GART: variants seen among roughly 807,000 people sequenced by gnomAD.
GART encodes trifunctional purine biosynthetic protein adenosine-3.
A neutral mutation model predicts 107.2 loss-of-function variants in GART; 43 were observed. The ratio of observed to expected loss-of-function variants is 0.40; its 90% confidence interval spans 0.31 to 0.52. GART has a LOEUF of 0.52. Ranked by LOEUF, GART falls within the 20% of genes least tolerant of loss-of-function variation. The probability of loss-of-function intolerance (pLI) is 0.52; values close to 1 mark genes in which losing one functional copy is unlikely to be tolerated. For synonymous variants in GART, 434 were observed against 427.0 expected, an observed-to-expected ratio of 1.02 and a Z score of -0.20; for missense variants, 1,107 against 1,206.5, an observed-to-expected ratio of 0.92 and a Z score of 1.22.
At chr21:33,517,743 C>G (rs1358899661) in intron 14 of GART, 135 bp from the exon 15 acceptor site, 1 of 884,248 alleles carries the variant, frequency 1.1e-6, no homozygotes, top group South Asian at 1.7e-5. Flanking sequence ...ATGTACTCTA[C>G]CAGCTGTCTA....
At chr21:33,504,388 G>A (rs1235781114) in intron 21 of GART, 24 bp downstream of exon 21, 3 of 1,608,688 alleles carry the variant, frequency 1.9e-6, no homozygotes, top group Non-Finnish European at 2.6e-6. Flanking sequence ...CTAATATTAT[G>A]TTGGTAGAAA....
At chr21:33,511,182 G>T in intron 17 of GART, 70 bp downstream of exon 17, 2 of 1,521,832 alleles carry the variant, frequency 1.3e-6, no homozygotes, top group Non-Finnish European at 9.1e-7. Flanking sequence ...AGCTTGTGAG[G>T]CAAGGCTGAG....
chr21:33,523,494 T>TAGG (rs2085010055), intron 11 of GART, among the ~76,000 whole-genome samples: 2 of 152,138 alleles, frequency 1.3e-5, no homozygotes, highest in African/African-American at 4.8e-5. Flanking sequence ...AAATGAAAAA[T>TAGG]AAATTTTTAG....
chr21:33,507,887 T>C (rs2084711197), intron 18 of GART, among the ~76,000 whole-genome samples: 1 of 152,062 alleles, frequency 6.6e-6, no homozygotes, highest in Admixed American at 6.6e-5. Flanking sequence ...ACTGGATTGT[T>C]TGTAACACAA....
chr21:33,521,107 T>C, intron 12 of GART, 92 bp from the exon 13 acceptor site: 1 of 974,012 alleles, frequency 1.0e-6, no homozygotes, highest in Non-Finnish European at 1.6e-6. Context: ...ACCAGTATAT[T>C]TAGCGGCCTG....
Position 33,520,541 on chromosome 21 carries a change from G to T in GART, c.1525C>A (p.His509Asn). 6.2e-7 allele frequency: 1 copy of T among 1,614,070 alleles called. No individual in the cohort carries two copies. Among genetic ancestry groups the T allele is most frequent in the Non-Finnish European group, 8.5e-7 (1 of 1,179,962 alleles). The change falls in exon 14 of 22, where the codon CAT becomes AAT. Residue 509 changes from histidine to asparagine, a missense_variant. Transcript: ENST00000381815. ...KLKIAQLCNKHDTIGQDLVAM... is the reference protein window; with the variant it reads ...KLKIAQLCNKNDTIGQDLVAM... ...ACCAAATCTTGACCAATGGTATCAT[G>T]TTTATTGCATAGCTGGGCAATCTAT...
chr21:33,509,465 T>C (rs771634967), intron 18 of GART: 4 of 216,064 alleles, frequency 1.9e-5, no homozygotes, highest in Non-Finnish European at 3.6e-5. Flanking sequence ...TTCTAATTAA[T>C]AAGATAACAA....
intron 10 of GART, among the ~76,000 whole-genome samples, chr21:33,527,679 A>AG (rs1374541013): frequency 2.0e-5 from 3 of 151,956 alleles, no homozygotes; most frequent in African/African-American, 4.8e-5. Context: ...AGAGAGAGAG[A>AG]AAAAAAAGAG....
At chr21:33,537,819 C>T (rs2085332445) in intron 2 of GART, among the ~76,000 whole-genome samples, 1 of 152,092 alleles carries the variant, frequency 6.6e-6, no homozygotes, top group Non-Finnish European at 1.5e-5. Context: ...GCACAAAGGG[C>T]TTTGAAAGGC....
chr21:33,521,081 C>T, intron 12 of GART, 66 bp from the exon 13 acceptor site: 1 of 1,314,526 alleles, frequency 7.6e-7, no homozygotes, highest in East Asian at 2.4e-5. Context: ...ATTTAAATGT[C>T]TACTAGTTTA....
At chr21:33,532,516 T>C in intron 4 of GART, 60 bp from the exon 5 acceptor site, 1 of 1,282,492 alleles carries the variant, frequency 7.8e-7, no homozygotes, top group East Asian at 2.3e-5. Context: ...GATTTTAAAA[T>C]GCTGTGGGAT....
At chr21:33,522,371 T>C in intron 11 of GART, 89 bp from the exon 12 acceptor site, 1 of 1,027,512 alleles carries the variant, frequency 9.7e-7, no homozygotes, top group Non-Finnish European at 1.5e-6. Flanking sequence ...ATATCCCAAG[T>C]GATTTTCACA....
In GART at chr21:33,521,242, T is replaced by C. The variant is rs185213776; in HGVS notation, c.1394-227A>G. Among the ~76,000 whole-genome samples the C allele has an allele frequency of 3.2e-3, 486 of 152,322 alleles. 1 individual carries two copies. Among genetic ancestry groups the C allele is most frequent in the Non-Finnish European group, 4.8e-3 (329 of 68,022 alleles). On this transcript the variant is annotated intron_variant, in intron 12 of 21. Coordinates refer to ENST00000381815, the MANE Select transcript of GART (RefSeq NM_000819.5). ...ATGTAACATGTTAATAGGTTAAACA[T>C]GTATATACATACCACTTGTTCATAA... is the stretch of plus-strand genomic sequence containing the variant.
At chr21:33,533,447 AAAAAT>A (rs1238949311) in intron 4 of GART, among the ~76,000 whole-genome samples, 4 of 149,098 alleles carry the variant, frequency 2.7e-5, no homozygotes, top group East Asian at 3.9e-4. Context: ...TCAAAAAAAA[AAAAAT>A]AAATAAATAA....
intron 11 of GART, chr21:33,523,915 C>T (rs954885675): frequency 2.2e-5 from 15 of 669,212 alleles, no homozygotes; most frequent in Non-Finnish European, 2.5e-5. Context: ...TGCAGTGAGG[C>T]GAGATCATGC....
At chr21:33,539,521 T>C (rs1479753562) in intron 1 of GART, among the ~76,000 whole-genome samples, 165 bp from the exon 2 acceptor site, 1 of 151,910 alleles carries the variant, frequency 6.6e-6, no homozygotes, top group African/African-American at 2.4e-5. Context: ...TGGCAAAACC[T>C]CATCTCTACT....
At chr21:33,540,097 T>C (rs574757872) in intron 1 of GART, among the ~76,000 whole-genome samples, 10 of 152,294 alleles carry the variant, frequency 6.6e-5, no homozygotes, top group African/African-American at 2.4e-4. Flanking sequence ...GTAAGCAAAC[T>C]TTACACAAAA....
At chr21:33,526,435 A>G (rs911318605) in intron 10 of GART, among the ~76,000 whole-genome samples, 36 of 152,238 alleles carry the variant, frequency 2.4e-4, no homozygotes, top group Admixed American at 2.2e-3. Context: ...CGGCCTCCCC[A>G]AGTGTTAGGA....
chr21:33,510,011 G>GT, intron 17 of GART, 91 bp from the exon 18 acceptor site: 1 of 1,198,964 alleles, frequency 8.3e-7, no homozygotes, highest in Non-Finnish European at 1.2e-6. Flanking sequence ...AAACTTTAGG[G>GT]TATGTTTTAT....
Sources: allele counts gnomAD v4.1 joint callset (sites outside exome capture counted in the v4.1 genomes callset), GRCh38; gene constraint gnomAD v4.1.1; transcripts MANE v1.5; gene names NCBI Gene and HGNC (gene_info 2026-07-23, HGNC 2026-07-21).